Variants in BAZ2B observed in about 807,000 individuals in gnomAD.
The protein encoded by BAZ2B is bromodomain adjacent to zinc finger domain protein 2B.
BAZ2B carries 91 observed loss-of-function variants against 246.0 expected under a neutral mutation model. The ratio of observed to expected loss-of-function variants is 0.37; its 90% confidence interval spans 0.31 to 0.44. The LOEUF (loss-of-function observed/expected upper bound fraction) is 0.44. Among genes scored for constraint, BAZ2B ranks in the 20% least tolerant of loss-of-function variants. The pLI is 1.00. For missense variants in BAZ2B, 2,332 were observed against 2,533.7 expected (o/e 0.92, Z 1.71); for synonymous variants, 855 against 860.0 (o/e 0.99, Z 0.10).
chr2:159,397,546 A>G (rs1001146283), intron 18 of BAZ2B, among the ~76,000 whole-genome samples, 157 bp from the exon 19 acceptor site: 2 of 152,200 alleles, frequency 1.3e-5, no homozygotes, highest in African/African-American at 2.4e-5. Context: ...TAAAATGTCA[A>G]TTCGATTTTG....
At chr2:159,330,812 T>C (rs1331082854) in intron 34 of BAZ2B, among the ~76,000 whole-genome samples, 7 of 151,960 alleles carry the variant, frequency 4.6e-5, no homozygotes, top group Admixed American at 4.6e-4. Flanking sequence ...TAAACTGTGA[T>C]AGTGTCACTG....
At chr2:159,538,767 C>A (rs2151373523) in intron 2 of BAZ2B, among the ~76,000 whole-genome samples, 1 of 152,238 alleles carries the variant, frequency 6.6e-6, no homozygotes, top group East Asian at 1.9e-4. Context: ...TGCTATGAAG[C>A]CTGCCTTCAA....
chr2:159,342,967 G>T (rs1006966843), intron 31 of BAZ2B, among the ~76,000 whole-genome samples: 1 of 152,154 alleles, frequency 6.6e-6, no homozygotes, highest in Admixed American at 6.5e-5. Flanking sequence ...AAGCAATCCT[G>T]AGTAACAAGA....
In BAZ2B at chr2:159,398,905, A is replaced by G. The variant is rs1354623768; in HGVS notation, c.2899-11T>C. The G allele has an allele frequency of 1.9e-6, 3 of 1,607,646 alleles. No homozygotes were observed. Among genetic ancestry groups the G allele is most frequent in the Non-Finnish European group, 2.5e-6 (3 of 1,179,368 alleles). Reference sequence around the variant, plus strand: ...CTTTTTCTTTTTAGCCTGTGCATGCAAAACAGGTCTCAAAGTCATGCAACA... The same window carrying G: ...CTTTTTCTTTTTAGCCTGTGCATGCGAAACAGGTCTCAAAGTCATGCAACA... On this transcript the variant is annotated splice_polypyrimidine_tract_variant and intron_variant, in intron 17 of 36. Transcript: ENST00000392783.
At chr2:159,351,839 T>C (rs1017136292) in intron 27 of BAZ2B, among the ~76,000 whole-genome samples, 9 of 152,236 alleles carry the variant, frequency 5.9e-5, no homozygotes, top group African/African-American at 2.2e-4. Flanking sequence ...AAAAGTAATA[T>C]GCTCACAAGT....
At chr2:159,519,477 G>A (rs370180418) in intron 2 of BAZ2B, among the ~76,000 whole-genome samples, 1 of 149,136 alleles carries the variant, frequency 6.7e-6, no homozygotes, top group East Asian at 2.0e-4. Context: ...TGATCCACCC[G>A]CCTCGGCCTC....
the BAZ2B span, among the ~76,000 whole-genome samples, chr2:159,674,908 A>G: frequency 6.6e-6 from 1 of 152,226 alleles, no homozygotes; most frequent in Non-Finnish European, 1.5e-5. Flanking sequence ...AAATTTCTTG[A>G]GCTCTACCTT....
chr2:159,605,152 C>T (rs1693166560), intron 1 of BAZ2B, among the ~76,000 whole-genome samples: 2 of 152,048 alleles, frequency 1.3e-5, no homozygotes, highest in Admixed American at 6.6e-5. Flanking sequence ...TTCAGCCTCC[C>T]AAGTAGCCAG....
At chr2:159,385,021 A>C in intron 23 of BAZ2B, 134 bp downstream of exon 23, 2 of 907,396 alleles carry the variant, frequency 2.2e-6, no homozygotes, top group Non-Finnish European at 3.3e-6. Flanking sequence ...CTAAATACTG[A>C]GATAAGTACA....
intron 1 of BAZ2B, among the ~76,000 whole-genome samples, chr2:159,587,944 A>G (rs1287666071): frequency 6.6e-6 from 1 of 152,046 alleles, no homozygotes; most frequent in East Asian, 1.9e-4. Context: ...TAATACCAAC[A>G]CTTTGGGAGG....
intron 2 of BAZ2B, among the ~76,000 whole-genome samples, chr2:159,479,764 CATAAG>C (rs920520741): frequency 4.6e-5 from 7 of 152,194 alleles, no homozygotes; most frequent in African/African-American, 7.2e-5. Flanking sequence ...TAATTTTTCT[CATAAG>C]ATAAGATATA....
the BAZ2B span, among the ~76,000 whole-genome samples, chr2:159,623,226 T>C: frequency 6.6e-6 from 1 of 151,446 alleles, no homozygotes; most frequent in African/African-American, 2.4e-5. Context: ...GAGAGTGAGC[T>C]GGGTGCAGTG....
the BAZ2B span, among the ~76,000 whole-genome samples, chr2:159,705,746 A>G: frequency 6.6e-6 from 1 of 152,222 alleles, no homozygotes; most frequent in Non-Finnish European, 1.5e-5. Context: ...CTGCCTGATA[A>G]TATCAAAGGA....
rs1186760958 is a variant in BAZ2B, at chr2:159,453,791, G to A, written c.156C>T (p.Phe52=). The change falls in exon 4 of 37, where the codon TTC becomes TTT. Residue 52 remains phenylalanine, a synonymous_variant. Transcript: ENST00000392783. ...SSTINPCGHL[F]RTAGDQPFNL... is the part of the protein sequence containing the mutation. ...TAAACGGTTGATCCCCAGCTGTTCT[G>A]AATAAATGTCCTGGGAGGGAAAAAA... 1 of 1,593,660 alleles carries A rather than the reference G, an allele frequency of 6.3e-7. No individual in the cohort carries two copies. Among genetic ancestry groups the A allele is most frequent in the Admixed American group, 1.7e-5 (1 of 57,758 alleles).
At chr2:159,661,862 C>T in the BAZ2B span, among the ~76,000 whole-genome samples, 2 of 152,112 alleles carry the variant, frequency 1.3e-5, no homozygotes, top group African/African-American at 2.4e-5. Context: ...ACTCCTGTCT[C>T]CACCTCCCAA....
chr2:159,431,198 T>A, intron 9 of BAZ2B, 42 bp from the exon 10 acceptor site: 1 of 1,547,174 alleles, frequency 6.5e-7, no homozygotes, highest in Middle Eastern at 2.0e-4. Context: ...AACTAGATAA[T>A]CACCAATAAT....
At chr2:159,673,861 T>C in the BAZ2B span, among the ~76,000 whole-genome samples, 8 of 151,682 alleles carry the variant, frequency 5.3e-5, no homozygotes, top group African/African-American at 1.7e-4. Flanking sequence ...AACCAAAAAG[T>C]AGAACAAACA....
chr2:159,366,923 G>A (rs2060278125), intron 27 of BAZ2B, among the ~76,000 whole-genome samples: 1 of 152,128 alleles, frequency 6.6e-6, no homozygotes, highest in Admixed American at 6.5e-5. Flanking sequence ...TCAGGGGGTG[G>A]ACTGAGAAGG....
At chr2:159,676,647 G>GCGCA in the BAZ2B span, among the ~76,000 whole-genome samples, 1 of 132,544 alleles carries the variant, frequency 7.5e-6, no homozygotes, top group African/African-American at 2.8e-5. Context: ...GTATCTAAAT[G>GCGCA]CACACACACA....
Sources: allele counts gnomAD v4.1 joint callset (sites outside exome capture counted in the v4.1 genomes callset), GRCh38; gene constraint gnomAD v4.1.1; transcripts MANE v1.5; gene names NCBI Gene and HGNC (gene_info 2026-07-23, HGNC 2026-07-21).